Variants in TMTC1 observed in about 807,000 individuals in gnomAD.
TMTC1 encodes the protein protein O-mannosyl-transferase TMTC1.
In TMTC1, 73 loss-of-function variants were observed where a neutral mutation model predicts 104.8. That is an observed-to-expected ratio of 0.70 (90% CI 0.58 to 0.85). The LOEUF (loss-of-function observed/expected upper bound fraction) is 0.85. Ranked by LOEUF, TMTC1 falls within the 40% of genes least tolerant of loss-of-function variation. The probability of loss-of-function intolerance (pLI) is 0.00; values close to 1 mark genes in which losing one functional copy is unlikely to be tolerated. For missense variants in TMTC1, 1,035 were observed against 1,096.1 expected, an observed-to-expected ratio of 0.94 and a Z score of 0.79; for synonymous variants, 434 against 428.7, an observed-to-expected ratio of 1.01 and a Z score of -0.15.
chr12:29,516,767 G>A (rs1357191263), intron 14 of TMTC1, among the ~76,000 whole-genome samples: 4 of 152,176 alleles, frequency 2.6e-5, no homozygotes. Flanking sequence ...AAATAAGTCA[G>A]AAGAGAAAGA....
intron 5 of TMTC1, among the ~76,000 whole-genome samples, chr12:29,677,977 T>C (rs1449199797): frequency 6.6e-6 from 1 of 152,256 alleles, no homozygotes; most frequent in African/African-American, 2.4e-5. Flanking sequence ...CAATAGTATG[T>C]CTAGGATTTG....
intron 5 of TMTC1, among the ~76,000 whole-genome samples, chr12:29,668,611 C>T (rs11050346): frequency 0.21 from 32,491 of 151,878 alleles, 3,881 homozygotes; most frequent in East Asian, 0.29. Flanking sequence ...CAGGCACATG[C>T]CACCATGCCT....
chr12:29,539,177 A>G (rs557985945), intron 10 of TMTC1, among the ~76,000 whole-genome samples: 4 of 152,342 alleles, frequency 2.6e-5, no homozygotes, highest in African/African-American at 9.6e-5. Context: ...ATCTAAATAA[A>G]ACCTTTCTTG....
intron 5 of TMTC1, among the ~76,000 whole-genome samples, chr12:29,679,861 T>C (rs1308106620): frequency 6.6e-6 from 1 of 152,110 alleles, no homozygotes; most frequent in Non-Finnish European, 1.5e-5. Flanking sequence ...GTTTACATTA[T>C]TATGAAATAA....
intron 1 of TMTC1, among the ~76,000 whole-genome samples, chr12:29,772,749 T>G (rs1303732220): frequency 6.6e-6 from 1 of 152,102 alleles, no homozygotes; most frequent in African/African-American, 2.4e-5. Flanking sequence ...TGAAATACCA[T>G]CTAAAAAGAA....
intron 9 of TMTC1, among the ~76,000 whole-genome samples, chr12:29,564,859 G>A (rs1176147729): frequency 6.6e-6 from 1 of 152,138 alleles, no homozygotes; most frequent in East Asian, 1.9e-4. Flanking sequence ...AGTGCCAGGT[G>A]AAGGGGAGGA....
At chr12:29,608,559 T>C (rs1013983456) in intron 6 of TMTC1, among the ~76,000 whole-genome samples, 3 of 152,220 alleles carry the variant, frequency 2.0e-5, no homozygotes, top group Admixed American at 6.5e-5. Context: ...AATTTGGTGA[T>C]CAACTAGACA....
At chr12:29,562,888 T>C (rs1945412907) in intron 9 of TMTC1, among the ~76,000 whole-genome samples, 1 of 152,302 alleles carries the variant, frequency 6.6e-6, no homozygotes, top group African/African-American at 2.4e-5. Flanking sequence ...GATGAACCCA[T>C]GCCAGGCTGA....
intron 5 of TMTC1, among the ~76,000 whole-genome samples, chr12:29,712,150 G>C (rs755268354): frequency 6.6e-6 from 1 of 151,590 alleles, no homozygotes; most frequent in Non-Finnish European, 1.5e-5. Flanking sequence ...GTGGAAGAAA[G>C]TTCCCCAAAT....
intron 12 of TMTC1, 102 bp from the exon 13 acceptor site, chr12:29,518,709 A>C: frequency 7.1e-7 from 1 of 1,416,762 alleles, no homozygotes; most frequent in African/African-American, 1.4e-5. Context: ...TCATTATTAC[A>C]GAGTTATACC....
intron 13 of TMTC1, 96 bp downstream of exon 13, chr12:29,518,376 T>TAGAA: frequency 1.4e-6 from 2 of 1,412,552 alleles, no homozygotes; most frequent in East Asian, 4.7e-5. Flanking sequence ...AATTTGCTAG[T>TAGAA]ATTCTGAGAG....
intron 2 of TMTC1, among the ~76,000 whole-genome samples, chr12:29,766,188 A>G (rs1254878062): frequency 1.3e-5 from 2 of 152,234 alleles, no homozygotes; most frequent in African/African-American, 4.8e-5. Flanking sequence ...TAATTTTTTT[A>G]TAAAGTGATC....
At chr12:29,521,017 GA>G (rs1184668749) in intron 11 of TMTC1, 14 of 210,308 alleles carry the variant, frequency 6.7e-5, no homozygotes, top group East Asian at 2.2e-4. Context: ...GCCTACCGGG[GA>G]AAAAGGACTG....
At chr12:29,771,886 C>CA (rs1187723859) in intron 1 of TMTC1, among the ~76,000 whole-genome samples, 1 of 152,154 alleles carries the variant, frequency 6.6e-6, no homozygotes, top group African/African-American at 2.4e-5. Flanking sequence ...CCAAGTTCTC[C>CA]AGGGGAAAAG....
intron 17 of TMTC1, among the ~76,000 whole-genome samples, chr12:29,511,681 C>A (rs1943840929): frequency 6.6e-6 from 1 of 152,118 alleles, no homozygotes; most frequent in Admixed American, 6.6e-5. Flanking sequence ...GTGAGTTAAA[C>A]TGGGAAGAAA....
At chr12:29,543,571 T>C (rs1280037444) in intron 10 of TMTC1, among the ~76,000 whole-genome samples, 1 of 152,200 alleles carries the variant, frequency 6.6e-6, no homozygotes, top group Non-Finnish European at 1.5e-5. Context: ...GGGGTGTCTG[T>C]TGTTGTTGGA....
chr12:29,605,343 T>C (rs1336311149), intron 6 of TMTC1, among the ~76,000 whole-genome samples: 1 of 152,032 alleles, frequency 6.6e-6, no homozygotes, highest in African/African-American at 2.4e-5. Context: ...CTTGGGATAC[T>C]TGTCACCTTG....
At chr12:29,548,773 T>C (rs1432050054) in intron 10 of TMTC1, among the ~76,000 whole-genome samples, 1 of 143,854 alleles carries the variant, frequency 7.0e-6, no homozygotes. Flanking sequence ...CACCTATATT[T>C]ATATATTTAT....
At chr12:29,577,534 A>C (rs1945857718) in intron 8 of TMTC1, among the ~76,000 whole-genome samples, 1 of 152,182 alleles carries the variant, frequency 6.6e-6, no homozygotes, top group Admixed American at 6.5e-5. Flanking sequence ...GAATCCTCGC[A>C]CAACACAGAA....
Sources: gnomAD v4.1 joint callset for allele counts (sites outside exome capture counted in the v4.1 genomes callset) on GRCh38, gnomAD v4.1.1 for gene constraint, MANE v1.5 for transcripts, NCBI Gene and HGNC (gene_info 2026-07-23, HGNC 2026-07-21) for gene names.